Variants in ERCC6 observed in about 807,000 individuals in gnomAD.
ERCC6 encodes DNA excision repair protein ERCC-6.
In ERCC6, 116 loss-of-function variants were observed where a neutral mutation model predicts 158.7. That is an observed-to-expected ratio of 0.73 (90% CI 0.63 to 0.85). The LOEUF is 0.85. Ranked by LOEUF, ERCC6 falls within the 40% of genes least tolerant of loss-of-function variation. The pLI, the probability that ERCC6 is intolerant of heterozygous loss-of-function variation, is 0.00. For synonymous variants in ERCC6, 678 were observed against 659.3 expected, an observed-to-expected ratio of 1.03 and a Z score of -0.43; for missense variants, 1,698 against 1,799.4, an observed-to-expected ratio of 0.94 and a Z score of 1.02.
chr10:49,533,017 G>A, intron 1 of ERCC6, 39 bp from the exon 2 acceptor site: 1 of 1,601,082 alleles, frequency 6.2e-7, no homozygotes, highest in Non-Finnish European at 8.5e-7. Context: ...TCGTTATATA[G>A]GATTCATTGT....
At position 49,515,855 on chromosome 10, in the gene ERCC6, A is replaced by G. The variant is rs150320544; in HGVS notation, c.1397+8178T>C. The stretch of plus-strand genomic sequence containing the variant: ...GGATACCAGCACCAGATGAGGCAAC[A>G]GTGACAACACTGTTATCATTCCATC... On this transcript the variant is annotated intron_variant, in intron 5 of 20. Coordinates refer to ENST00000355832, the MANE Select transcript of ERCC6 (RefSeq NM_000124.4). 64 of 1,614,120 alleles carry G rather than the reference A, an allele frequency of 4.0e-5. No homozygotes were observed. In the African/African-American group the frequency reaches 7.3e-4, roughly 19 times the overall value.
the ERCC6 span, among the ~76,000 whole-genome samples, chr10:49,435,111 G>A: frequency 1.3e-5 from 2 of 151,882 alleles, no homozygotes; most frequent in Admixed American, 1.3e-4. Context: ...TGTGATCATG[G>A]GAACAATTTC....
In ERCC6 at chr10:49,532,538, C is replaced by G; in HGVS notation, c.422+5G>C. The G allele has an allele frequency of 1.9e-6, 3 of 1,613,590 alleles. No homozygotes were observed. Among genetic ancestry groups the G allele is most frequent in the Non-Finnish European group, 2.5e-6 (3 of 1,180,030 alleles). ...TTTGAAAGGAAGAAGATGGGCTGCA[C>G]TCACGTGAGGTCATCCAGGACCGAC... On this transcript the variant is annotated splice_donor_5th_base_variant and intron_variant, in intron 2 of 20. Coordinates refer to ENST00000355832, the MANE Select transcript of ERCC6 (RefSeq NM_000124.4).
chr10:49,447,559 C>T, the ERCC6 span, among the ~76,000 whole-genome samples: 8 of 152,120 alleles, frequency 5.3e-5, no homozygotes, highest in East Asian at 1.2e-3. Flanking sequence ...GGCATAGTGG[C>T]GGGCACCTGT....
At chr10:49,496,009 A>T (rs1026879651) in intron 7 of ERCC6, among the ~76,000 whole-genome samples, 2 of 152,136 alleles carry the variant, frequency 1.3e-5, no homozygotes, top group Non-Finnish European at 2.9e-5. Flanking sequence ...ACCTCTGCTC[A>T]TCTCTCCTGC....
chr10:49,459,465 A>G (rs1424040778), intron 20 of ERCC6, among the ~76,000 whole-genome samples: 3 of 152,216 alleles, frequency 2.0e-5, no homozygotes, highest in East Asian at 3.9e-4. Context: ...GGGGGCAACC[A>G]AGCCATTCCC....
the ERCC6 span, among the ~76,000 whole-genome samples, chr10:49,448,655 T>G: frequency 1.3e-5 from 2 of 152,190 alleles, no homozygotes; most frequent in Non-Finnish European, 2.9e-5. Context: ...CACTCTTTCT[T>G]TAAGCAACCA....
At chr10:49,477,119 C>T (rs955472661) in intron 11 of ERCC6, among the ~76,000 whole-genome samples, 5 of 152,136 alleles carry the variant, frequency 3.3e-5, no homozygotes, top group Admixed American at 2.0e-4. Context: ...TGTGCCCATG[C>T]TCCTCACCAC....
intron 5 of ERCC6, among the ~76,000 whole-genome samples, chr10:49,517,306 G>A (rs914466685): frequency 9.2e-5 from 14 of 152,332 alleles, no homozygotes; most frequent in South Asian, 2.1e-4. Flanking sequence ...AGTATAGGAT[G>A]TAGTGCAGTA....
At position 49,472,362 on chromosome 10, in the gene ERCC6, C is replaced by A; in HGVS notation, c.2924+14G>T. 1 of 1,611,464 alleles carries A rather than the reference C, an allele frequency of 6.2e-7. No individual in the cohort carries two copies. ...GGGAACGCACAGCCAAGAGTGGCCA[C>A]TGTGTGCACTGACCGGTGGTAGATC... On this transcript the variant is annotated intron_variant, in intron 16 of 20. Coordinates refer to ENST00000355832, the MANE Select transcript of ERCC6 (RefSeq NM_000124.4).
chr10:49,494,995 G>A (rs964134217), intron 7 of ERCC6, among the ~76,000 whole-genome samples: 3 of 152,170 alleles, frequency 2.0e-5, no homozygotes, highest in Non-Finnish European at 4.4e-5. Flanking sequence ...TCACTTAGGT[G>A]CAGTCAAATA....
intron 5 of ERCC6, among the ~76,000 whole-genome samples, chr10:49,522,561 T>C (rs1464466145): frequency 1.3e-5 from 2 of 152,222 alleles, no homozygotes; most frequent in African/African-American, 4.8e-5. Context: ...GAAAAACTTA[T>C]TGCCATCAAA....
At chr10:49,499,782 T>C (rs1397529159) in intron 7 of ERCC6, among the ~76,000 whole-genome samples, 1 of 152,240 alleles carries the variant, frequency 6.6e-6, no homozygotes, top group African/African-American at 2.4e-5. Flanking sequence ...CCATATCAAA[T>C]AGATTAAATG....
intron 4 of ERCC6, chr10:49,525,284 C>T (rs1837288311): frequency 6.3e-6 from 1 of 159,358 alleles, no homozygotes; most frequent in African/African-American, 2.4e-5. Context: ...AGTTACCAGT[C>T]ACCTGCAGCT....
At chr10:49,469,068 G>A (rs77729515) in intron 18 of ERCC6, among the ~76,000 whole-genome samples, 3,518 of 152,212 alleles carry the variant, frequency 0.023, 143 homozygotes, top group African/African-American at 0.079. Context: ...CCTTACAATA[G>A]AATGTTAATC....
intron 1 of ERCC6, among the ~76,000 whole-genome samples, chr10:49,536,431 G>A (rs1312619900): frequency 6.6e-6 from 1 of 152,106 alleles, no homozygotes; most frequent in Non-Finnish European, 1.5e-5. Flanking sequence ...TGAACAGGAG[G>A]CACAACACAT....
chr10:49,467,117 G>C (rs546998341), intron 18 of ERCC6, among the ~76,000 whole-genome samples: 3 of 152,300 alleles, frequency 2.0e-5, no homozygotes, highest in African/African-American at 7.2e-5. Context: ...GCCATGGTTA[G>C]TTTAACTATT....
At position 49,472,832 on chromosome 10, in the gene ERCC6, A is replaced by T; in HGVS notation, c.2829+77T>A. 1.9e-6 allele frequency: 3 copies of T among 1,553,796 alleles called. No homozygotes were observed. The South Asian group carries it at 3.5e-5, about 18-fold the overall frequency. ...GTATGCTGAAGCCAACCAGAACATCAAAGGACAGTCAAAAGCGCTAACCAT... is the reference window on the plus strand; with the variant it reads ...GTATGCTGAAGCCAACCAGAACATCTAAGGACAGTCAAAAGCGCTAACCAT... On this transcript the variant is annotated intron_variant, in intron 15 of 20. Coordinates refer to ENST00000355832, the MANE Select transcript of ERCC6 (RefSeq NM_000124.4).
At chr10:49,492,166 A>G (rs1041181243) in intron 8 of ERCC6, among the ~76,000 whole-genome samples, 4 of 152,222 alleles carry the variant, frequency 2.6e-5, no homozygotes, top group Admixed American at 2.0e-4. Context: ...ACTTCTATCA[A>G]AAGTTTGCTT....
Sources: allele counts gnomAD v4.1 joint callset (sites outside exome capture counted in the v4.1 genomes callset), GRCh38; gene constraint gnomAD v4.1.1; transcripts MANE v1.5; gene names NCBI Gene and HGNC (gene_info 2026-07-23, HGNC 2026-07-21).